NIPBL: variants seen among roughly 807,000 people sequenced by gnomAD.
The protein encoded by NIPBL is nipped-B-like protein.
A neutral mutation model predicts 321.8 loss-of-function variants in NIPBL; 19 were observed. The ratio of observed to expected loss-of-function variants is 0.06; its 90% CI spans 0.04 to 0.09. The LOEUF (loss-of-function observed/expected upper bound fraction) is 0.09. Among genes scored for constraint, NIPBL ranks in the 10% least tolerant of loss-of-function variants. The probability of loss-of-function intolerance (pLI) is 1.00; values close to 1 mark genes in which losing one functional copy is unlikely to be tolerated. For missense variants in NIPBL, 2,210 were observed against 3,327.0 expected, an observed-to-expected ratio of 0.66 and a Z score of 8.26; for synonymous variants, 1,106 against 1,114.1, an observed-to-expected ratio of 0.99 and a Z score of 0.14.
At chr5:37,013,879 C>G (rs1409718336) in intron 21 of NIPBL, among the ~76,000 whole-genome samples, 1 of 152,196 alleles carries the variant, frequency 6.6e-6, no homozygotes, top group Non-Finnish European at 1.5e-5. Flanking sequence ...GAGGTTGTAG[C>G]CAGCCGAGAT....
chr5:36,909,796 G>A (rs1314211989), intron 1 of NIPBL, among the ~76,000 whole-genome samples: 1 of 152,060 alleles, frequency 6.6e-6, no homozygotes, highest in Non-Finnish European at 1.5e-5. Context: ...GAACAGTATG[G>A]GCCATGCACA....
intron 1 of NIPBL, among the ~76,000 whole-genome samples, chr5:36,918,788 G>A (rs1036481402): frequency 1.3e-5 from 2 of 151,930 alleles, no homozygotes; most frequent in African/African-American, 4.8e-5. Context: ...ATAATCATGT[G>A]GTTTTTGTCT....
At chr5:37,011,477 C>T (rs900655302) in intron 21 of NIPBL, among the ~76,000 whole-genome samples, 1 of 152,110 alleles carries the variant, frequency 6.6e-6, no homozygotes, top group Non-Finnish European at 1.5e-5. Flanking sequence ...GTCGATTGAG[C>T]CTTGAGAGAT....
In NIPBL at chr5:37,024,799, T is replaced by C. The variant is rs181732644; in HGVS notation, c.5709+80T>C. On this transcript the variant is annotated intron_variant, in intron 30 of 46. Coordinates refer to ENST00000282516, the MANE Select transcript of NIPBL (RefSeq NM_133433.4). Reference sequence around the variant, plus strand: ...GTTTATTGCACCTAAATGTTGATTTTAAATATATCCAAACACTTTACAATG... The same window carrying C: ...GTTTATTGCACCTAAATGTTGATTTCAAATATATCCAAACACTTTACAATG... The C allele has an allele frequency of 1.1e-5, 12 of 1,093,218 alleles. No homozygotes were observed. In the African/African-American group the frequency reaches 1.7e-4, roughly 16 times the overall value. 67.7% of individuals were successfully genotyped at this position (1,093,218 alleles called of 1,614,324 possible). A position where few individuals can be genotyped will look rare whatever the true frequency, so the allele number is the denominator to read the frequency against.
intron 6 of NIPBL, among the ~76,000 whole-genome samples, chr5:36,968,910 T>C (rs946683811): frequency 6.6e-6 from 1 of 152,210 alleles, no homozygotes; most frequent in African/African-American, 2.4e-5. Flanking sequence ...ATAATTGTCT[T>C]CATAGAAAAT....
At chr5:37,036,347 GTATA>G (rs10554564) in intron 32 of NIPBL, 28 bp from the exon 33 acceptor site, 7,006 of 374,450 alleles carry the variant, frequency 0.019, no homozygotes, top group Middle Eastern at 0.049. Context: ...ATATATATAT[GTATA>G]TATATATATA....
At chr5:36,946,753 A>G (rs1468702457) in intron 1 of NIPBL, among the ~76,000 whole-genome samples, 1 of 152,132 alleles carries the variant, frequency 6.6e-6, no homozygotes, top group Non-Finnish European at 1.5e-5. Context: ...AATATAGTTT[A>G]AAGAATACTG....
chr5:36,894,792 C>T (rs565825751), intron 1 of NIPBL, among the ~76,000 whole-genome samples: 21 of 152,276 alleles, frequency 1.4e-4, no homozygotes, highest in African/African-American at 4.6e-4. Context: ...TATATGTTAG[C>T]TTGTCACATT....
At chr5:36,900,884 T>C (rs1166863604) in intron 1 of NIPBL, among the ~76,000 whole-genome samples, 1 of 152,216 alleles carries the variant, frequency 6.6e-6, no homozygotes. Context: ...ATCTTTTCTT[T>C]GATGCCTTCC....
chr5:37,024,836 G>T, intron 30 of NIPBL, 117 bp downstream of exon 30: 3 of 775,440 alleles, frequency 3.9e-6, no homozygotes, highest in Non-Finnish European at 4.0e-6. Flanking sequence ...ATCGTTTATA[G>T]TTTATAAACT....
At chr5:37,044,163 T>G (rs1220962519) in intron 34 of NIPBL, among the ~76,000 whole-genome samples, 184 bp from the exon 35 acceptor site, 1 of 152,162 alleles carries the variant, frequency 6.6e-6, no homozygotes, top group African/African-American at 2.4e-5. Flanking sequence ...TAGTTGTCGG[T>G]ACATATTCCT....
At position 36,985,401 on chromosome 5, in the gene NIPBL, G is replaced by A. The variant is rs1744651790; in HGVS notation, c.2221G>A (p.Glu741Lys). ...GRPETPKQKGESRPETPKQKN... is the reference protein window; with the variant it reads ...GRPETPKQKGKSRPETPKQKN... ...GCCTGAAACTCCAAAGCAAAAAGGTGAGAGCCGCCCTGAAACTCCAAAGCA... is the reference window on the plus strand; with the variant it reads ...GCCTGAAACTCCAAAGCAAAAAGGTAAGAGCCGCCCTGAAACTCCAAAGCA... The change falls in exon 10 of 47, where the codon GAG (glutamate) becomes AAG (lysine). Residue 741 changes from glutamate (E) to lysine (K), a missense_variant. Glu to Lys is a moderately conservative substitution (Grantham distance 56, BLOSUM62 1). Coordinates refer to ENST00000282516, the MANE Select transcript of NIPBL (RefSeq NM_133433.4). The A allele has an allele frequency of 6.2e-7, 1 of 1,613,512 alleles. No individual in the cohort carries two copies. The highest frequency in any genetic ancestry group is 1.7e-5 in the Admixed American group (1 of 59,834).
intron 18 of NIPBL, 70 bp downstream of exon 18, chr5:37,007,544 C>A: frequency 9.2e-7 from 1 of 1,084,336 alleles, no homozygotes; most frequent in Non-Finnish European, 1.4e-6. Context: ...ACCTAGCTCA[C>A]TCAATAATAA....
intron 2 of NIPBL, 106 bp from the exon 3 acceptor site, chr5:36,955,366 G>A: frequency 1.0e-6 from 1 of 953,694 alleles, no homozygotes; most frequent in Non-Finnish European, 1.7e-6. Context: ...TTAATAATTT[G>A]TCACATTGAT....
intron 11 of NIPBL, among the ~76,000 whole-genome samples, chr5:36,999,237 C>T (rs566692141): frequency 3.0e-4 from 45 of 152,248 alleles, no homozygotes; most frequent in Admixed American, 3.9e-4. Context: ...TTAAGCAAAA[C>T]ATTTGTCTTA....
rs377385598 is a variant in NIPBL, at chr5:36,962,074, G to T, written c.459-49G>T. On this transcript the variant is annotated intron_variant, in intron 5 of 46. Transcript: ENST00000282516. ...TGACAGTCAGATTTCAAGGAATAGC[G>T]TGTTTATTTTATTTCCTTATATTTT... The T allele has an allele frequency of 4.5e-4, 716 of 1,597,244 alleles. 4 individuals are homozygous for T. The highest frequency in any genetic ancestry group is 3.4e-3 in the South Asian group (307 of 90,746).
At chr5:36,939,132 A>G (rs1181731485) in intron 1 of NIPBL, among the ~76,000 whole-genome samples, 1 of 152,072 alleles carries the variant, frequency 6.6e-6, no homozygotes, top group Non-Finnish European at 1.5e-5. Flanking sequence ...CCTCCCAAAT[A>G]GCTGGGACTA....
rs1580120266 is a variant in NIPBL at position 36,876,952 on chromosome 5, G to C, written c.-306G>C. On this transcript the variant is annotated 5_prime_UTR_variant, in exon 1 of 47. Transcript: ENST00000282516. ...CGCGGCGATGCCCCCCCGGTAGCTC[G>C]GGCCCGTGGTCGGGTGTTTGTGAGT... 1.3e-5 allele frequency: 5 copies of C among 392,946 alleles called. No individual in the cohort carries two copies. The highest frequency in any genetic ancestry group is 1.3e-3 in the Middle Eastern group (2 of 1,578). 24.3% of individuals were successfully genotyped at this position (392,946 alleles called of 1,614,324 possible).
At chr5:36,917,650 G>GT (rs1317851992) in intron 1 of NIPBL, among the ~76,000 whole-genome samples, 1 of 152,110 alleles carries the variant, frequency 6.6e-6, no homozygotes, top group African/African-American at 2.4e-5. Flanking sequence ...GGTTTTTATG[G>GT]TTTTAGGTCT....
Sources: gnomAD v4.1 joint callset for allele counts (sites outside exome capture counted in the v4.1 genomes callset) on GRCh38, gnomAD v4.1.1 for gene constraint, MANE v1.5 for transcripts, NCBI Gene and HGNC (gene_info 2026-07-23, HGNC 2026-07-21) for gene names.